Variants in ADGRL3 observed in about 807,000 individuals in gnomAD.
ADGRL3 encodes the protein calcium-independent alpha-latrotoxin receptor 3.
A neutral mutation model predicts 153.5 loss-of-function variants in ADGRL3; 62 were observed. The observed-to-expected ratio is 0.40, with a 90% CI of 0.33 to 0.50. The LOEUF is 0.50. Among genes scored for constraint, ADGRL3 ranks in the 20% least tolerant of loss-of-function variants. The pLI is 0.47. For missense variants in ADGRL3, 1,641 were observed against 1,859.4 expected (o/e 0.88, Z 2.16); for synonymous variants, 710 against 672.5 (o/e 1.06, Z -0.86).
intron 6 of ADGRL3, among the ~76,000 whole-genome samples, chr4:61,703,302 ATT>A (rs11359169): frequency 6.6e-6 from 1 of 151,866 alleles, no homozygotes; most frequent in Non-Finnish European, 1.5e-5. Context: ...CTTGGTTGAT[ATT>A]TTTTTCAGTA....
chr4:61,896,374 CAG>C (rs1427522595), intron 11 of ADGRL3, among the ~76,000 whole-genome samples: 1 of 152,074 alleles, frequency 6.6e-6, no homozygotes, highest in African/African-American at 2.4e-5. Flanking sequence ...TCATTACAAA[CAG>C]AGACCAGATG....
chr4:61,254,362 T>C (rs887361375), intron 1 of ADGRL3, among the ~76,000 whole-genome samples: 1 of 152,172 alleles, frequency 6.6e-6, no homozygotes, highest in Non-Finnish European at 1.5e-5. Context: ...CCTCACATTA[T>C]TTTTTAAGAA....
chr4:61,543,483 G>A (rs911289139), intron 4 of ADGRL3, among the ~76,000 whole-genome samples: 1 of 152,190 alleles, frequency 6.6e-6, no homozygotes, highest in Non-Finnish European at 1.5e-5. Context: ...GCTGATTTTA[G>A]CCCGGAGAGA....
chr4:61,561,767 A>T (rs2098796032), intron 4 of ADGRL3, among the ~76,000 whole-genome samples: 1 of 152,114 alleles, frequency 6.6e-6, no homozygotes, highest in African/African-American at 2.4e-5. Flanking sequence ...ATGAATTATT[A>T]TATCAATTCT....
At chr4:62,005,987 C>T (rs2099156410) in intron 21 of ADGRL3, among the ~76,000 whole-genome samples, 1 of 85,266 alleles carries the variant, frequency 1.2e-5, no homozygotes, top group African/African-American at 4.2e-5. Context: ...CACACACACA[C>T]ACACACACAC....
rs891067714 is a variant in ADGRL3 at position 61,855,148 on chromosome 4, C to T, written c.1481-37508C>T. 5.3e-5 allele frequency among the ~76,000 whole-genome samples: 8 copies of T among 152,114 alleles called. No individual in the cohort carries two copies. The East Asian group carries it at 5.8e-4, about 11-fold the overall frequency. ...ATGGAGTTTAGTTAATGATAACTTA[C>T]GAGTATTGGTTGATTAGTTGAGACA... On this transcript the variant is annotated intron_variant, in intron 9 of 26. Coordinates refer to ENST00000683033, the MANE Select transcript of ADGRL3 (RefSeq NM_001387552.1).
Position 62,070,965 on chromosome 4 carries a change from A to G in ADGRL3, c.*57A>G. The G allele has an allele frequency of 1.5e-6, 2 of 1,364,056 alleles. No homozygotes were observed. Among genetic ancestry groups the G allele is most frequent in the Non-Finnish European group, 2.0e-6 (2 of 1,003,742 alleles). 84.5% of individuals were successfully genotyped at this position (1,364,056 alleles called of 1,614,324 possible). A position where few individuals can be genotyped will look rare whatever the true frequency, so the allele number is the denominator to read the frequency against. ...TGCTAACACCTTGTTGACTGTTCTGAGTTGATATAAGCAGTGGTAATAATG... is the reference window on the plus strand; with the variant it reads ...TGCTAACACCTTGTTGACTGTTCTGGGTTGATATAAGCAGTGGTAATAATG... On this transcript the variant is annotated 3_prime_UTR_variant, in exon 27 of 27. Coordinates refer to ENST00000683033, the MANE Select transcript of ADGRL3 (RefSeq NM_001387552.1).
At chr4:61,615,077 A>G (rs2091842402) in intron 5 of ADGRL3, among the ~76,000 whole-genome samples, 1 of 152,124 alleles carries the variant, frequency 6.6e-6, no homozygotes, top group African/African-American at 2.4e-5. Context: ...TTTTAAAAGA[A>G]CCCTTTATAA....
At chr4:61,228,192 A>C (rs1748837907) in intron 1 of ADGRL3, among the ~76,000 whole-genome samples, 1 of 152,100 alleles carries the variant, frequency 6.6e-6, no homozygotes, top group African/African-American at 2.4e-5. Flanking sequence ...CTTTTTAAAA[A>C]GTAATGACAG....
intron 13 of ADGRL3, 58 bp downstream of exon 13, chr4:61,912,815 A>G: frequency 2.1e-6 from 3 of 1,430,076 alleles, no homozygotes; most frequent in Non-Finnish European, 2.9e-6. Context: ...TTGTGATGGC[A>G]TGAATGGACA....
At chr4:62,011,639 C>T (rs1252471905) in intron 21 of ADGRL3, among the ~76,000 whole-genome samples, 2 of 151,874 alleles carry the variant, frequency 1.3e-5, no homozygotes, top group Non-Finnish European at 1.5e-5. Flanking sequence ...CATATTTTAG[C>T]GTAGTATGTC....
intron 8 of ADGRL3, among the ~76,000 whole-genome samples, chr4:61,771,704 G>A (rs1193234632): frequency 1.3e-5 from 2 of 152,138 alleles, no homozygotes; most frequent in Non-Finnish European, 2.9e-5. Context: ...ACAGGCATGA[G>A]CCAACCACAA....
chr4:61,634,471 T>G (rs905531949), intron 5 of ADGRL3, among the ~76,000 whole-genome samples: 1 of 152,188 alleles, frequency 6.6e-6, no homozygotes, highest in Non-Finnish European at 1.5e-5. Context: ...GAAAATTAAA[T>G]GGCATAATAT....
chr4:61,538,817 A>G (rs978721126), intron 4 of ADGRL3, among the ~76,000 whole-genome samples: 2 of 152,082 alleles, frequency 1.3e-5, no homozygotes, highest in Non-Finnish European at 2.9e-5. Flanking sequence ...GGGTAATCTG[A>G]CAATGAATGG....
At chr4:61,385,762 T>A (rs2096728583) in intron 2 of ADGRL3, 1 of 152,162 alleles carries the variant, frequency 6.6e-6, no homozygotes, top group African/African-American at 2.4e-5. Flanking sequence ...TCACCAACAT[T>A]AAGTACCAAA....
chr4:61,906,942 A>G (rs1255760829), intron 11 of ADGRL3, among the ~76,000 whole-genome samples: 1 of 152,154 alleles, frequency 6.6e-6, no homozygotes, highest in African/African-American at 2.4e-5. Context: ...CATTAGTCAA[A>G]CAGCTTACAA....
intron 4 of ADGRL3, among the ~76,000 whole-genome samples, chr4:61,534,667 G>A (rs2098644215): frequency 1.3e-5 from 2 of 151,994 alleles, no homozygotes; most frequent in Non-Finnish European, 2.9e-5. Context: ...TTCATTAAAT[G>A]TATTCATAGG....
chr4:61,876,908 T>TAA (rs33929278), intron 9 of ADGRL3, among the ~76,000 whole-genome samples: 38 of 135,596 alleles, frequency 2.8e-4, no homozygotes, highest in African/African-American at 7.4e-4. Context: ...GCTTTCACTT[T>TAA]AAAAAAAAAA....
At chr4:61,853,236 A>T (rs1026888724) in intron 9 of ADGRL3, among the ~76,000 whole-genome samples, 2 of 152,110 alleles carry the variant, frequency 1.3e-5, no homozygotes, top group African/African-American at 4.8e-5. Context: ...CCATTAGCAT[A>T]AACTCAGCTG....
Sources: gnomAD v4.1 joint callset for allele counts (sites outside exome capture counted in the v4.1 genomes callset) on GRCh38, gnomAD v4.1.1 for gene constraint, MANE v1.5 for transcripts, NCBI Gene and HGNC (gene_info 2026-07-23, HGNC 2026-07-21) for gene names.